The following SASH1 variants were observed in gnomAD, a reference collection of about 807,000 sequenced individuals.
SASH1 encodes SAM and SH3 domain-containing protein 1.
SASH1 carries 44 observed loss-of-function variants against 125.2 expected under a neutral mutation model. The ratio of observed to expected loss-of-function variants is 0.35; its 90% CI spans 0.28 to 0.45. The LOEUF (loss-of-function observed/expected upper bound fraction) is 0.45, where lower values mean the gene tolerates loss of function less well. Ranked by LOEUF, SASH1 falls within the 20% of genes least tolerant of loss-of-function variation. The pLI is 1.00. For synonymous variants in SASH1, 639 were observed against 649.1 expected, an observed-to-expected ratio of 0.98 and a Z score of 0.24; for missense variants, 1,426 against 1,614.5, an observed-to-expected ratio of 0.88 and a Z score of 2.00.
intron 1 of SASH1, among the ~76,000 whole-genome samples, chr6:148,276,844 G>C (rs539491121): frequency 2.6e-5 from 4 of 152,070 alleles, no homozygotes; most frequent in Non-Finnish European, 4.4e-5. Flanking sequence ...AAGCTACTTG[G>C]GAGGCTGAGG....
chr6:148,448,223 A>G (rs1157530297), intron 4 of SASH1, among the ~76,000 whole-genome samples: 1 of 152,100 alleles, frequency 6.6e-6, no homozygotes, highest in Non-Finnish European at 1.5e-5. Flanking sequence ...CTCTCCTGGC[A>G]CACAGAAGAT....
At chr6:148,430,896 C>G (rs1177787217) in intron 2 of SASH1, among the ~76,000 whole-genome samples, 1 of 152,198 alleles carries the variant, frequency 6.6e-6, no homozygotes, top group South Asian at 2.1e-4. Context: ...ACTTATAGCC[C>G]TTTTAGAGTA....
chr6:148,527,219 AAAGT>A (rs1007506868), intron 11 of SASH1: 106 of 422,338 alleles, frequency 2.5e-4, no homozygotes, highest in African/African-American at 1.9e-3. Flanking sequence ...GAATGTACTA[AAAGT>A]AAGTAAAATA....
chr6:148,242,066 G>A, the SASH1 span, among the ~76,000 whole-genome samples: 3 of 152,300 alleles, frequency 2.0e-5, no homozygotes, highest in African/African-American at 7.2e-5. Flanking sequence ...TAGTTTCTTG[G>A]TGCCTTAGTT....
At chr6:148,375,163 T>C (rs1782843641) in intron 1 of SASH1, among the ~76,000 whole-genome samples, 1 of 151,876 alleles carries the variant, frequency 6.6e-6, no homozygotes, top group African/African-American at 2.4e-5. Flanking sequence ...TCTAATTTTT[T>C]GCATGTTTTG....
chr6:148,524,478 GA>G (rs1038047188), intron 10 of SASH1: 1 of 152,118 alleles, frequency 6.6e-6, no homozygotes, highest in Non-Finnish European at 1.5e-5. Flanking sequence ...AAATCACTAA[GA>G]TATAAGCAGT....
intron 1 of SASH1, among the ~76,000 whole-genome samples, chr6:148,311,402 C>A (rs1199286190): frequency 6.6e-6 from 1 of 152,108 alleles, no homozygotes; most frequent in Non-Finnish European, 1.5e-5. Flanking sequence ...ACTGTGCCTG[C>A]CACCACACCT....
Position 148,474,144 on chromosome 6 carries a change from G to T in SASH1, c.549G>T (p.Thr183=), listed in dbSNP as rs140254763. 1 of 1,611,930 alleles carries T rather than the reference G, an allele frequency of 6.2e-7. No individual in the cohort carries two copies. Among genetic ancestry groups the T allele is most frequent in the Non-Finnish European group, 8.5e-7 (1 of 1,179,054 alleles). ...TTGGTTATGTTGCCAGTGAAATAAC[G>T]ATGAGCGATGAGGAGCGGATTCAGC... ...EDVGYVASEI[T]MSDEERIQLM... Residue 183 remains threonine (T), a synonymous_variant, in exon 7 of 20, where the codon ACG becomes ACT. Transcript: ENST00000367467.
chr6:148,525,893 C>T (rs1781117437), intron 11 of SASH1, among the ~76,000 whole-genome samples: 1 of 152,020 alleles, frequency 6.6e-6, no homozygotes. Context: ...GGGACCAAAG[C>T]AGACCAGATC....
intron 2 of SASH1, among the ~76,000 whole-genome samples, chr6:148,435,960 A>G (rs926204862): frequency 6.6e-6 from 1 of 152,224 alleles, no homozygotes; most frequent in Non-Finnish European, 1.5e-5. Flanking sequence ...TAAATGTTGT[A>G]AAAGCCACGA....
At chr6:148,391,633 A>T (rs1050358522) in intron 2 of SASH1, among the ~76,000 whole-genome samples, 2 of 152,210 alleles carry the variant, frequency 1.3e-5, no homozygotes, top group Non-Finnish European at 2.9e-5. Context: ...GTGTATAATC[A>T]GAGATGCATT....
the SASH1 span, among the ~76,000 whole-genome samples, chr6:148,221,928 TTA>T: frequency 5.3e-5 from 8 of 152,220 alleles, no homozygotes; most frequent in African/African-American, 1.9e-4. Flanking sequence ...GTAGCCTTCT[TTA>T]TGTTTCCCTT....
At chr6:148,317,756 A>ATCT (rs143086897) in intron 1 of SASH1, among the ~76,000 whole-genome samples, 9,405 of 152,254 alleles carry the variant, frequency 0.062, 471 homozygotes, top group South Asian at 0.15. Context: ...GACTCCCAAC[A>ATCT]TCTTGCTTTT....
chr6:148,438,466 A>G (rs907724538), intron 2 of SASH1, among the ~76,000 whole-genome samples: 8 of 152,196 alleles, frequency 5.3e-5, no homozygotes, highest in Non-Finnish European at 1.2e-4. Context: ...GAAATGGTGT[A>G]TCAAGTTTGG....
Position 148,522,707 on chromosome 6 carries a change from C to A in SASH1, c.1210-2584C>A, listed in dbSNP as rs141817636. ...AGCCCTCCTCATCCCAAGCATCTAT[C>A]TAAAGTGTTTTTATAATTTTCAGTA... On this transcript the variant is annotated intron_variant, in intron 10 of 19. Transcript: ENST00000367467. Among the ~76,000 whole-genome samples the A allele has an allele frequency of 6.8e-3, 1,037 of 152,294 alleles. 17 individuals are homozygous for A. Among genetic ancestry groups the A allele is most frequent in the African/African-American group, 0.024 (985 of 41,568 alleles).
chr6:148,307,040 CT>C (rs1257211456), intron 1 of SASH1, among the ~76,000 whole-genome samples: 7 of 93,590 alleles, frequency 7.5e-5, no homozygotes, highest in African/African-American at 5.2e-5. Context: ...TTCTTTCTTT[CT>C]TTCTTTCTTT....
chr6:148,417,925 A>T (rs536225020), intron 2 of SASH1, among the ~76,000 whole-genome samples: 4 of 152,346 alleles, frequency 2.6e-5, no homozygotes, highest in Admixed American at 2.6e-4. Flanking sequence ...GATGGTTATG[A>T]TGAACCAGAA....
intron 1 of SASH1, among the ~76,000 whole-genome samples, chr6:148,333,240 A>C (rs1405006569): frequency 6.6e-6 from 1 of 151,838 alleles, no homozygotes; most frequent in Non-Finnish European, 1.5e-5. Context: ...GTGTCTACAA[A>C]AAATAATAAT....
chr6:148,245,190 A>G, the SASH1 span, among the ~76,000 whole-genome samples: 1 of 152,104 alleles, frequency 6.6e-6, no homozygotes, highest in Non-Finnish European at 1.5e-5. Flanking sequence ...AACAAATAGC[A>G]CTAACTCCTC....
Sources: gnomAD v4.1 joint callset for allele counts (sites outside exome capture counted in the v4.1 genomes callset) on GRCh38, gnomAD v4.1.1 for gene constraint, MANE v1.5 for transcripts, NCBI Gene and HGNC (gene_info 2026-07-23, HGNC 2026-07-21) for gene names.